Variants in NUP210L observed in about 807,000 individuals in gnomAD.
The protein encoded by NUP210L is nucleoporin 210 like, also known as nuclear pore membrane glycoprotein 210-like.
Under a neutral mutation model 208.5 loss-of-function variants are expected in NUP210L, and 74 were observed. That is an observed-to-expected ratio of 0.35 (90% CI 0.29 to 0.43). NUP210L has a LOEUF of 0.43. NUP210L is among the 20% of genes least tolerant of loss of function. NUP210L has a pLI of 1.00. For missense variants in NUP210L, 1,843 were observed against 2,289.4 expected, an observed-to-expected ratio of 0.81 and a Z score of 3.98; for synonymous variants, 780 against 816.9, an observed-to-expected ratio of 0.95 and a Z score of 0.77.
chr1:154,092,550 G>GTTTTTTT (rs760240667), intron 15 of NUP210L, among the ~76,000 whole-genome samples: 7 of 128,522 alleles, frequency 5.4e-5, no homozygotes, highest in Non-Finnish European at 1.0e-4. Context: ...TTTGTTTTTT[G>GTTTTTTT]TTTTTTTTTT....
chr1:154,084,038 C>CTTTTTT (rs34861266), intron 16 of NUP210L, among the ~76,000 whole-genome samples: 59 of 103,600 alleles, frequency 5.7e-4, no homozygotes, highest in South Asian at 1.1e-3. Flanking sequence ...CTTTTCCTTT[C>CTTTTTT]TTTTTTTTTT....
At chr1:154,140,622 G>A (rs1344798017) in intron 4 of NUP210L, among the ~76,000 whole-genome samples, 4 of 145,010 alleles carry the variant, frequency 2.8e-5, no homozygotes, top group African/African-American at 7.5e-5. Flanking sequence ...AGCCGAGATC[G>A]TGTCACTGCA....
At chr1:154,101,901 G>A (rs1390510676) in intron 13 of NUP210L, among the ~76,000 whole-genome samples, 2 of 152,174 alleles carry the variant, frequency 1.3e-5, no homozygotes, top group African/African-American at 4.8e-5. Flanking sequence ...TGTAACCCCA[G>A]CACTTTGGGA....
rs375666645 is a variant in NUP210L, at chr1:154,099,438, C to A, written c.1965+560G>T. On this transcript the variant is annotated intron_variant, in intron 14 of 39. Coordinates refer to ENST00000368559, the Ensembl canonical transcript of NUP210L. ...GCTGCAGCTGGCGTGATGGCAGCAG[C>A]TGCTCCAGACAGGCTGCCACTGCCA... Among the ~76,000 whole-genome samples, 49 of 152,300 alleles carry A rather than the reference C, an allele frequency of 3.2e-4. 4 individuals are homozygous for A. Among genetic ancestry groups the A allele is most frequent in the East Asian group, 2.7e-3 (14 of 5,174 alleles).
intron 2 of NUP210L, among the ~76,000 whole-genome samples, chr1:154,145,928 CTTG>C (rs997723273): frequency 1.8e-4 from 28 of 152,202 alleles, no homozygotes; most frequent in Non-Finnish European, 3.7e-4. Context: ...AAATATAATT[CTTG>C]TTGTTGTTGA....
intron 10 of NUP210L, among the ~76,000 whole-genome samples, chr1:154,125,045 C>T (rs1657818329): frequency 6.6e-6 from 1 of 152,168 alleles, no homozygotes; most frequent in Non-Finnish European, 1.5e-5. Flanking sequence ...TGGCTCACAC[C>T]TATAATCCCA....
chr1:154,070,855 A>G (rs1313640796), intron 16 of NUP210L, among the ~76,000 whole-genome samples: 1 of 152,176 alleles, frequency 6.6e-6, no homozygotes, highest in Non-Finnish European at 1.5e-5. Context: ...CACTAATTCA[A>G]TGTCAGCAAA....
At position 154,048,865 on chromosome 1, in the gene NUP210L, T is replaced by G. The variant is rs189612349; in HGVS notation, c.3484-2496A>C. On this transcript the variant is annotated intron_variant, in intron 25 of 39. Transcript: ENST00000368559. ...CAGTGGGGAAATTCAAATTGTTATA[T>G]CTACTTCTGTTCCCTGGAAAGCAGA... is the stretch of plus-strand genomic sequence containing the variant. Among the ~76,000 whole-genome samples, 6 of 152,294 alleles carry G rather than the reference T, an allele frequency of 3.9e-5. No homozygotes were observed. The East Asian group carries it at 9.6e-4, about 24-fold the overall frequency.
At chr1:154,060,479 A>T in intron 20 of NUP210L, 61 bp downstream of exon 20, 1 of 1,027,724 alleles carries the variant, frequency 9.7e-7, no homozygotes, top group African/African-American at 1.6e-5. Flanking sequence ...GAATTTTTCC[A>T]ATCTCCTCAG....
intron 16 of NUP210L, 47 bp downstream of exon 16, chr1:154,089,374 C>A: frequency 6.6e-7 from 1 of 1,507,720 alleles, no homozygotes. Flanking sequence ...CTCTAAAGCA[C>A]GGAATATAAA....
intron 17 of NUP210L, among the ~76,000 whole-genome samples, chr1:154,069,392 T>C (rs1312700632): frequency 7.9e-5 from 12 of 152,136 alleles, no homozygotes; most frequent in Non-Finnish European, 1.2e-4. Context: ...GCAAAGGATA[T>C]GGACAGACAC....
chr1:154,093,977 C>T (rs1656058074), intron 15 of NUP210L, among the ~76,000 whole-genome samples: 1 of 152,010 alleles, frequency 6.6e-6, no homozygotes, highest in Non-Finnish European at 1.5e-5. Flanking sequence ...ACAGTGAAAC[C>T]CTGTCTATAG....
chr1:154,092,450 A>ACCTCTG (rs939506370), intron 15 of NUP210L, among the ~76,000 whole-genome samples: 1 of 146,828 alleles, frequency 6.8e-6, no homozygotes, highest in African/African-American at 2.5e-5. Context: ...GCTCACCTCA[A>ACCTCTG]CCTCTGCCTC....
intron 10 of NUP210L, among the ~76,000 whole-genome samples, chr1:154,123,215 G>A (rs1394136068): frequency 2.6e-5 from 4 of 152,024 alleles, no homozygotes; most frequent in African/African-American, 9.7e-5. Flanking sequence ...GCGCAACCTC[G>A]GCTCACTGCA....
At chr1:154,047,541 G>A (rs7531051) in intron 25 of NUP210L, among the ~76,000 whole-genome samples, 39,424 of 152,130 alleles carry the variant, frequency 0.26, 5,596 homozygotes, top group Admixed American at 0.37. Context: ...TGCCTAAGGC[G>A]TTCCTAAGCC....
At chr1:153,993,506 T>C (rs530535307) in intron 38 of NUP210L, among the ~76,000 whole-genome samples, 51 of 149,960 alleles carry the variant, frequency 3.4e-4, no homozygotes, top group Admixed American at 2.2e-3. Flanking sequence ...GCGGAGCTTG[T>C]AGTGAGCTGA....
intron 22 of NUP210L, 56 bp downstream of exon 22, chr1:154,058,033 G>C (rs563508060): frequency 2.0e-5 from 32 of 1,590,390 alleles, no homozygotes; most frequent in East Asian, 1.1e-4. Flanking sequence ...CAGGTCACTA[G>C]GAGGGAGAGT....
intron 4 of NUP210L, among the ~76,000 whole-genome samples, chr1:154,140,790 G>A (rs1477209177): frequency 2.0e-5 from 3 of 151,000 alleles, no homozygotes; most frequent in Non-Finnish European, 3.0e-5. Flanking sequence ...AGAACATCCT[G>A]GCTAACAGAG....
Position 154,012,359 on chromosome 1 carries a change from A to AT in NUP210L, c.4664dup (p.Asn1555LysfsTer11). The AT allele has an allele frequency of 6.2e-7, 1 of 1,612,970 alleles. No homozygotes were observed. The stretch of plus-strand genomic sequence containing the variant: ...AACTGAGCATTAATCTTGATGATGC[A>AT]TTGACCACCACCTGTCAGCAAATCA... On this transcript the variant is annotated frameshift_variant, in exon 34 of 40. Transcript: ENST00000368559. LOFTEE classifies it high-confidence loss of function.
Sources: gnomAD v4.1 joint callset for allele counts (sites outside exome capture counted in the v4.1 genomes callset) on GRCh38, gnomAD v4.1.1 for gene constraint, MANE v1.5 for transcripts, NCBI Gene and HGNC (gene_info 2026-07-23, HGNC 2026-07-21) for gene names.